Variants in ELP3 observed in about 807,000 individuals in gnomAD.
The protein encoded by ELP3 is elongator acetyltransferase complex subunit 3.
Under a neutral mutation model 74.9 loss-of-function variants are expected in ELP3, and 56 were observed. The observed-to-expected ratio is 0.75, with a 90% confidence interval of 0.60 to 0.93. ELP3 has a LOEUF of 0.93. Ranked by LOEUF, ELP3 falls within the 40% of genes least tolerant of loss-of-function variation. The pLI is 0.00. For missense variants in ELP3, 573 were observed against 686.5 expected (o/e 0.83, Z 1.85); for synonymous variants, 222 against 239.8 (o/e 0.93, Z 0.68).
At chr8:28,172,307 GTCT>G (rs1160193074) in intron 14 of ELP3, among the ~76,000 whole-genome samples, 3 of 151,984 alleles carry the variant, frequency 2.0e-5, no homozygotes, top group African/African-American at 2.4e-5. Context: ...CATTTATTTA[GTCT>G]TCTTTAATTT....
At chr8:28,175,439 C>T (rs1329386095) in intron 14 of ELP3, among the ~76,000 whole-genome samples, 2 of 152,146 alleles carry the variant, frequency 1.3e-5, no homozygotes, top group Non-Finnish European at 2.9e-5. Context: ...TTTATTTTTA[C>T]TATCATACAT....
intron 10 of ELP3, among the ~76,000 whole-genome samples, chr8:28,152,778 C>T (rs2130527622): frequency 6.6e-6 from 1 of 152,286 alleles, no homozygotes; most frequent in Admixed American, 6.5e-5. Flanking sequence ...TGCACTCCAG[C>T]CTGGGTGACA....
intron 8 of ELP3, among the ~76,000 whole-genome samples, chr8:28,130,860 TAGG>T (rs937057230): frequency 1.3e-5 from 2 of 152,070 alleles, no homozygotes; most frequent in South Asian, 2.1e-4. Flanking sequence ...GAATGTGAAA[TAGG>T]AGAGTGATAA....
In ELP3 at chr8:28,189,573, GGCTGAGGGAAGCACAT is replaced by G. The variant is rs1585772666; in HGVS notation, c.1568-73_1568-58del. ...GGTCTCTGGGTGGGAGAGAGTGTAA[GGCTGAGGGAAGCACAT>G]GCCGACTTTTGAGAATTGCTAAAGT... On this transcript the variant is annotated intron_variant, in intron 14 of 14. Transcript: ENST00000256398. 3 of 1,435,458 alleles carry G rather than the reference GGCTGAGGGAAGCACAT, an allele frequency of 2.1e-6. No individual in the cohort carries two copies. In the East Asian group the frequency reaches 6.8e-5, roughly 33 times the overall value. The allele number at this position is 1,435,458 out of a possible 1,614,324, so 88.9% of individuals were successfully genotyped here.
intron 10 of ELP3, among the ~76,000 whole-genome samples, chr8:28,143,227 C>T (rs1813312715): frequency 6.6e-6 from 1 of 151,180 alleles, no homozygotes. Context: ...TCTTGTGTTT[C>T]TGCTGTGTAG....
chr8:28,091,780 A>G (rs1811061317), upstream of ELP3, among the ~76,000 whole-genome samples: 2 of 152,196 alleles, frequency 1.3e-5, no homozygotes, highest in African/African-American at 4.8e-5. Context: ...TTGAGGACAC[A>G]CCCAGGAAAA....
At chr8:28,137,646 G>A (rs1381812966) in intron 9 of ELP3, 52 bp from the exon 10 acceptor site, 11 of 1,562,228 alleles carry the variant, frequency 7.0e-6, no homozygotes, top group African/African-American at 5.5e-5. Context: ...TTTCACCCTC[G>A]GTGATCTCTG....
At chr8:28,173,452 T>A (rs910058750) in intron 14 of ELP3, among the ~76,000 whole-genome samples, 1 of 151,914 alleles carries the variant, frequency 6.6e-6, no homozygotes, top group African/African-American at 2.4e-5. Context: ...TTATGCCCCC[T>A]CTTTTATTTC....
At chr8:28,181,165 C>CT (rs1563292287) in intron 14 of ELP3, among the ~76,000 whole-genome samples, 1 of 152,292 alleles carries the variant, frequency 6.6e-6, no homozygotes, top group East Asian at 1.9e-4. Flanking sequence ...TCAATTTTGT[C>CT]TAATATTTTC....
intron 14 of ELP3, among the ~76,000 whole-genome samples, chr8:28,182,333 A>G (rs912948376): frequency 1.3e-5 from 2 of 152,086 alleles, no homozygotes; most frequent in Non-Finnish European, 2.9e-5. Context: ...GCTGAGGCAC[A>G]TGGATTGCCT....
chr8:28,162,020 G>A lies in ELP3; in HGVS notation c.1509G>A (p.Glu503=). ...QHQGFGMLLM[E]EAERIAREEH... is the part of the protein sequence containing the mutation. The stretch of plus-strand genomic sequence containing the variant: ...AGGGATTTGGCATGCTGCTGATGGA[G>A]GAAGCAGAAAGAATAGCTAGAGAAG... Residue 503 remains glutamate, a synonymous_variant, in exon 14 of 15, where the codon GAG becomes GAA. Coordinates refer to ENST00000256398, the MANE Select transcript of ELP3 (RefSeq NM_018091.6). 2 of 1,614,170 alleles carry A rather than the reference G, an allele frequency of 1.2e-6. No homozygotes were observed. Among genetic ancestry groups the A allele is most frequent in the Non-Finnish European group, 1.7e-6 (2 of 1,180,008 alleles).
At chr8:28,152,544 G>C (rs893253208) in intron 10 of ELP3, among the ~76,000 whole-genome samples, 2 of 152,156 alleles carry the variant, frequency 1.3e-5, no homozygotes, top group African/African-American at 2.4e-5. Flanking sequence ...AGTGGCTCAT[G>C]CCTGTAATCC....
At chr8:28,104,670 G>A (rs150499659) in intron 3 of ELP3, among the ~76,000 whole-genome samples, 1,563 of 152,306 alleles carry the variant, frequency 0.01, 9 homozygotes, top group South Asian at 0.022. Flanking sequence ...CAGGTTACGC[G>A]TCTTTGGCCC....
intron 11 of ELP3, among the ~76,000 whole-genome samples, chr8:28,157,795 G>A (rs1813892203): frequency 6.6e-6 from 1 of 152,112 alleles, no homozygotes; most frequent in South Asian, 2.1e-4. Context: ...TGGTAGCATA[G>A]CATGCACTGT....
chr8:28,146,111 T>C (rs1301940298), intron 10 of ELP3, among the ~76,000 whole-genome samples: 1 of 152,170 alleles, frequency 6.6e-6, no homozygotes, highest in Non-Finnish European at 1.5e-5. Context: ...CTATTTATAC[T>C]TTTTAGTTTT....
In ELP3 at chr8:28,113,188, T is replaced by C. The variant is rs1563253339; in HGVS notation, c.617+15T>C. On this transcript the variant is annotated intron_variant, in intron 7 of 14. Transcript: ENST00000256398. Reference sequence around the variant, plus strand: ...GAGGCAGTCAAGTAAGAAATTCTTATTTTATCATAGTCTCCAGAGTGGTTG... The same window carrying C: ...GAGGCAGTCAAGTAAGAAATTCTTACTTTATCATAGTCTCCAGAGTGGTTG... 3.1e-6 allele frequency: 5 copies of C among 1,609,088 alleles called. No individual in the cohort carries two copies. Among genetic ancestry groups the C allele is most frequent in the South Asian group, 2.2e-5 (2 of 90,380 alleles).
intron 13 of ELP3, 43 bp from the exon 14 acceptor site, chr8:28,161,954 T>A: frequency 6.2e-7 from 1 of 1,600,034 alleles, no homozygotes; most frequent in African/African-American, 1.3e-5. Context: ...TTAATGAACT[T>A]CCTTCCTTTT....
At chr8:28,174,279 G>A (rs1814653335) in intron 14 of ELP3, among the ~76,000 whole-genome samples, 1 of 152,028 alleles carries the variant, frequency 6.6e-6, no homozygotes, top group Non-Finnish European at 1.5e-5. Context: ...GGGCTCTGTT[G>A]TTAGGTGCAT....
intron 11 of ELP3, among the ~76,000 whole-genome samples, chr8:28,158,266 CA>C (rs1389664973): frequency 6.6e-6 from 1 of 152,112 alleles, no homozygotes; most frequent in African/African-American, 2.4e-5. Context: ...TTATGACTTA[CA>C]TTCTTTACTG....
Sources: allele counts gnomAD v4.1 joint callset (sites outside exome capture counted in the v4.1 genomes callset), GRCh38; gene constraint gnomAD v4.1.1; transcripts MANE v1.5; gene names NCBI Gene and HGNC (gene_info 2026-07-23, HGNC 2026-07-21).